RAB27A: variants seen among roughly 807,000 people sequenced by gnomAD.
RAB27A encodes RAB27A, member RAS oncogene family, also known as ras-related protein Rab-27A.
A neutral mutation model predicts 20.8 loss-of-function variants in RAB27A; 17 were observed. The observed-to-expected ratio is 0.82, with a 90% confidence interval of 0.56 to 1.23. The LOEUF (loss-of-function observed/expected upper bound fraction) is 1.23. Among genes scored for constraint, RAB27A ranks in the 50% most tolerant of loss-of-function variants. The pLI is 0.00. For synonymous variants in RAB27A, 85 were observed against 92.8 expected (o/e 0.92, Z 0.48); for missense variants, 277 against 266.7 (o/e 1.04, Z -0.27).
chr15:55,297,041 A>G (rs761255834), intron 2 of RAB27A, among the ~76,000 whole-genome samples: 10 of 152,242 alleles, frequency 6.6e-5, no homozygotes, highest in Admixed American at 1.3e-4. Flanking sequence ...CAGTTATAGC[A>G]AGCCACAAAT....
At chr15:55,258,365 A>C (rs921635689) in intron 2 of RAB27A, among the ~76,000 whole-genome samples, 4 of 152,074 alleles carry the variant, frequency 2.6e-5, no homozygotes, top group African/African-American at 9.7e-5. Context: ...ATTGCTTTCC[A>C]ACCTTGTTCA....
intron 1 of RAB27A, among the ~76,000 whole-genome samples, chr15:55,285,933 C>A (rs141047520): frequency 1.6e-4 from 25 of 152,270 alleles, no homozygotes; most frequent in African/African-American, 5.8e-4. Flanking sequence ...GTGGGAGGGA[C>A]CAAAATCCTC....
intron 1 of RAB27A, among the ~76,000 whole-genome samples, chr15:55,285,472 T>C (rs1470654237): frequency 6.6e-6 from 1 of 152,182 alleles, no homozygotes; most frequent in Non-Finnish European, 1.5e-5. Flanking sequence ...CTGAATGCTC[T>C]CTACTCCACA....
chr15:55,272,144 G>A (rs1595738876), intron 1 of RAB27A, among the ~76,000 whole-genome samples: 1 of 152,170 alleles, frequency 6.6e-6, no homozygotes, highest in South Asian at 2.1e-4. Flanking sequence ...GAATCTCCTA[G>A]GGATCTTTCA....
At chr15:55,302,283 C>A (rs961909092) in intron 2 of RAB27A, among the ~76,000 whole-genome samples, 1 of 152,182 alleles carries the variant, frequency 6.6e-6, no homozygotes, top group Non-Finnish European at 1.5e-5. Context: ...CTGTGTTGGC[C>A]GGGCCGGTCT....
chr15:55,317,991 TATAA>T, intron 1 of RAB27A: 1 of 337,018 alleles, frequency 3.0e-6, no homozygotes, highest in African/African-American at 2.1e-5. Flanking sequence ...AAAACAAGAA[TATAA>T]ATACATAAGG....
intron 2 of RAB27A, among the ~76,000 whole-genome samples, chr15:55,258,477 A>T (rs1897161817): frequency 6.6e-6 from 1 of 152,204 alleles, no homozygotes; most frequent in Non-Finnish European, 1.5e-5. Flanking sequence ...TGAGGGACAA[A>T]GGGTTCAACA....
chr15:55,272,548 A>T (rs6493774), intron 1 of RAB27A, among the ~76,000 whole-genome samples: 65,422 of 152,138 alleles, frequency 0.43, 15,838 homozygotes, highest in East Asian at 0.71. Flanking sequence ...GACAATACCA[A>T]TTTTCATAGT....
intron 2 of RAB27A, among the ~76,000 whole-genome samples, chr15:55,237,906 T>G (rs1265751010): frequency 1.3e-5 from 2 of 152,188 alleles, no homozygotes; most frequent in African/African-American, 4.8e-5. Flanking sequence ...TTCTCTAAAC[T>G]CACTTAAGTG....
chr15:55,314,408 T>C (rs919515543), intron 1 of RAB27A, among the ~76,000 whole-genome samples: 8 of 152,154 alleles, frequency 5.3e-5, no homozygotes, highest in Admixed American at 4.6e-4. Flanking sequence ...AACACAGTAC[T>C]GGAAGTACTG....
At chr15:55,288,638 G>A (rs1216076400) in intron 1 of RAB27A, among the ~76,000 whole-genome samples, 1 of 152,074 alleles carries the variant, frequency 6.6e-6, no homozygotes, top group East Asian at 1.9e-4. Context: ...GAGAATGGTA[G>A]AAAGGAAGGA....
At chr15:55,217,647 G>C (rs898161636) in intron 6 of RAB27A, among the ~76,000 whole-genome samples, 1 of 107,134 alleles carries the variant, frequency 9.3e-6, no homozygotes, top group African/African-American at 3.7e-5. Flanking sequence ...CTGGGTGACA[G>C]AGCTACACTC....
chr15:55,239,914 G>T (rs1896413657), intron 2 of RAB27A, among the ~76,000 whole-genome samples: 1 of 152,152 alleles, frequency 6.6e-6, no homozygotes, highest in South Asian at 2.1e-4. Context: ...AGTCCAGTTA[G>T]TGAAAGCCTG....
chr15:55,274,812 ATATATATATATATG>A (rs1188161971), intron 1 of RAB27A, among the ~76,000 whole-genome samples: 1 of 135,698 alleles, frequency 7.4e-6, no homozygotes, highest in East Asian at 2.0e-4. Context: ...ATATATATAT[ATATATATATATATG>A]TATAGAGAGA....
chr15:55,298,369 A>C (rs1205680464), intron 2 of RAB27A, among the ~76,000 whole-genome samples: 2 of 152,168 alleles, frequency 1.3e-5, no homozygotes, highest in African/African-American at 2.4e-5. Context: ...GGGAGACATC[A>C]CATGTCGGTA....
chr15:55,310,747 G>A (rs2055016690), intron 2 of RAB27A, among the ~76,000 whole-genome samples: 1 of 152,050 alleles, frequency 6.6e-6, no homozygotes, highest in African/African-American at 2.4e-5. Flanking sequence ...TCTAAGTTTT[G>A]CTCCGGGCCT....
intron 2 of RAB27A, among the ~76,000 whole-genome samples, chr15:55,295,009 A>G (rs1469148403): frequency 1.3e-5 from 2 of 152,220 alleles, no homozygotes; most frequent in African/African-American, 4.8e-5. Flanking sequence ...ACATAATCCA[A>G]TTAAAAAGTG....
At chr15:55,294,909 A>C (rs567532269) in intron 2 of RAB27A, among the ~76,000 whole-genome samples, 31 of 152,266 alleles carry the variant, frequency 2.0e-4, no homozygotes, top group African/African-American at 7.2e-4. Flanking sequence ...CAACCTACAG[A>C]ATGAGAGAAA....
intron 2 of RAB27A, among the ~76,000 whole-genome samples, chr15:55,308,087 T>C (rs984111421): frequency 2.6e-5 from 4 of 152,292 alleles, no homozygotes; most frequent in East Asian, 1.9e-4. Context: ...CGGAGGGGAT[T>C]ACCCCATACT....
Sources: gnomAD v4.1 joint callset for allele counts (sites outside exome capture counted in the v4.1 genomes callset) on GRCh38, gnomAD v4.1.1 for gene constraint, MANE v1.5 for transcripts, NCBI Gene and HGNC (gene_info 2026-07-23, HGNC 2026-07-21) for gene names.